The following ANO5 variants were observed in gnomAD, a reference collection of about 807,000 sequenced individuals.
ANO5 encodes anoctamin-5.
A neutral mutation model predicts 121.0 loss-of-function variants in ANO5; 109 were observed. That is an observed-to-expected ratio of 0.90 (90% CI 0.77 to 1.06). ANO5 has a LOEUF of 1.06. Ranked by LOEUF, ANO5 falls within the 50% of genes least tolerant of loss-of-function variation. The probability of loss-of-function intolerance (pLI) is 0.00; values close to 1 mark genes in which losing one functional copy is unlikely to be tolerated. For missense variants in ANO5, 1,064 were observed against 1,078.5 expected, an observed-to-expected ratio of 0.99 and a Z score of 0.19; for synonymous variants, 406 against 359.9, an observed-to-expected ratio of 1.13 and a Z score of -1.45.
chr11:22,275,297 A>G (rs1854796596), intron 20 of ANO5, among the ~76,000 whole-genome samples: 1 of 145,178 alleles, frequency 6.9e-6, no homozygotes, highest in Non-Finnish European at 1.5e-5. Flanking sequence ...TCTTTTCACC[A>G]TACAATTTAA....
chr11:22,259,969 T>A lies in ANO5; in HGVS notation c.1630+228T>A, dbSNP rs7124796. 0.011 allele frequency among the ~76,000 whole-genome samples: 1,634 copies of A among 151,242 alleles called. 44 individuals carry two copies. Among genetic ancestry groups the A allele is most frequent in the African/African-American group, 0.038 (1,559 of 41,134 alleles). On this transcript the variant is annotated intron_variant, in intron 15 of 21. Transcript: ENST00000324559. ...AACTGAAAAAAAAAAAAAAGAATTC[T>A]GACTCTATATATCTTTCTCAGTATC...
chr11:22,232,922 G>A (rs566872598), intron 7 of ANO5, among the ~76,000 whole-genome samples: 1 of 152,068 alleles, frequency 6.6e-6, no homozygotes, highest in Non-Finnish European at 1.5e-5. Context: ...GACAGTTAAA[G>A]GAATCATTTC....
intron 7 of ANO5, among the ~76,000 whole-genome samples, chr11:22,235,567 A>G (rs1300038957): frequency 6.6e-6 from 1 of 152,166 alleles, no homozygotes; most frequent in Non-Finnish European, 1.5e-5. Context: ...AATTTTGAAA[A>G]GTTGTTGGAA....
intron 9 of ANO5, among the ~76,000 whole-genome samples, chr11:22,242,317 T>C (rs1471257123): frequency 6.6e-6 from 1 of 152,138 alleles, no homozygotes; most frequent in African/African-American, 2.4e-5. Context: ...GGTAGTGTGA[T>C]GCTTCCAGTT....
rs797044667 is a variant in ANO5 at position 22,272,929 on chromosome 11, T to TA, written c.2176dup (p.Ser726LysfsTer20). ...GGAGAACTGTAGCTTCTAAAGCTCA[T>TA]AGCATAGGTGTTTGGCAAGACATTC... On this transcript the variant is annotated frameshift_variant, in exon 19 of 22. Transcript: ENST00000324559. LOFTEE classifies it high-confidence loss of function. The TA allele has an allele frequency of 5.6e-6, 9 of 1,614,008 alleles. 1 individual carries two copies. Among genetic ancestry groups the TA allele is most frequent in the Non-Finnish European group, 7.6e-6 (9 of 1,180,012 alleles).
Position 22,262,880 on chromosome 11 carries a change from T to G in ANO5, c.1801-66T>G, listed in dbSNP as rs1854236094. 49 of 1,197,328 alleles carry G rather than the reference T, an allele frequency of 4.1e-5. No individual in the cohort carries two copies. The South Asian group carries it at 5.9e-4, about 14-fold the overall frequency. The allele number at this position is 1,197,328 out of a possible 1,614,324, so 74.2% of individuals were successfully genotyped here. A position where few individuals can be genotyped will look rare whatever the true frequency, so the allele number is the denominator to read the frequency against. On this transcript the variant is annotated intron_variant, in intron 16 of 21. Transcript: ENST00000324559. The stretch of plus-strand genomic sequence containing the variant: ...CTAATTTTATAGTTTAGGGTTTCCT[T>G]TAGGTGTTGCAAAATTCCATCTTTG...
chr11:22,233,922 A>G (rs12285425), intron 7 of ANO5, among the ~76,000 whole-genome samples: 22,849 of 152,028 alleles, frequency 0.15, 5,015 homozygotes, highest in African/African-American at 0.48. Context: ...GCTTTCCCTG[A>G]ACCACTTCCA....
At chr11:22,257,023 G>A (rs1390459802) in intron 13 of ANO5, among the ~76,000 whole-genome samples, 2 of 151,932 alleles carry the variant, frequency 1.3e-5, no homozygotes, top group Non-Finnish European at 2.9e-5. Flanking sequence ...TTCTTAAAAT[G>A]TGAAATATTA....
intron 15 of ANO5, among the ~76,000 whole-genome samples, chr11:22,260,407 C>G (rs1211292498): frequency 6.6e-6 from 1 of 152,068 alleles, no homozygotes; most frequent in East Asian, 1.9e-4. Flanking sequence ...CTCCAGGGTT[C>G]AAGCTCGTTT....
At chr11:22,268,678 G>A (rs1052467682) in intron 17 of ANO5, among the ~76,000 whole-genome samples, 3 of 152,010 alleles carry the variant, frequency 2.0e-5, no homozygotes, top group Non-Finnish European at 2.9e-5. Flanking sequence ...TGCTTATTTT[G>A]TTCTTGATTC....
At chr11:22,231,159 TG>T (rs1853028247) in intron 7 of ANO5, among the ~76,000 whole-genome samples, 1 of 152,026 alleles carries the variant, frequency 6.6e-6, no homozygotes, top group African/African-American at 2.4e-5. Context: ...ATTATTTTTC[TG>T]TTTTTTTATT....
At chr11:22,231,988 A>G (rs567794123) in intron 7 of ANO5, among the ~76,000 whole-genome samples, 1 of 152,088 alleles carries the variant, frequency 6.6e-6, no homozygotes, top group East Asian at 1.9e-4. Context: ...CTAGAGAGAA[A>G]ATATTCTTAG....
At chr11:22,220,539 G>T (rs995047276) in intron 4 of ANO5, among the ~76,000 whole-genome samples, 1 of 152,008 alleles carries the variant, frequency 6.6e-6, no homozygotes, top group Non-Finnish European at 1.5e-5. Flanking sequence ...AGGGCGAGTT[G>T]CATGAAACCT....
Position 22,227,370 on chromosome 11 carries a change from T to C in ANO5, c.432T>C (p.Ala144=), listed in dbSNP as rs1298504970. 3.7e-6 allele frequency: 6 copies of C among 1,613,600 alleles called. No homozygotes were observed. The highest frequency in any genetic ancestry group is 5.1e-6 in the Non-Finnish European group (6 of 1,179,766). ...CTTGGGAGGTATTAGTTACCTATGCTGAAGTCTTGGGAATCAAAATGCCTA... is the reference window on the plus strand; with the variant it reads ...CTTGGGAGGTATTAGTTACCTATGCCGAAGTCTTGGGAATCAAAATGCCTA... The part of the protein sequence containing the change: ...HAPWEVLVTY[A]EVLGIKMPIK... Residue 144 remains alanine, a synonymous_variant, in exon 7 of 22, where the codon GCT becomes GCC. Transcript: ENST00000324559.
intron 17 of ANO5, among the ~76,000 whole-genome samples, chr11:22,269,223 AGAAAG>A (rs1333373018): frequency 5.3e-5 from 7 of 131,044 alleles, no homozygotes; most frequent in Non-Finnish European, 1.1e-4. Flanking sequence ...GAAGGAAAGA[AGAAAG>A]GAAGGAAGGA....
At chr11:22,274,824 G>A (rs1854773452) in intron 20 of ANO5, 77 bp downstream of exon 20, 2 of 1,516,712 alleles carry the variant, frequency 1.3e-6, no homozygotes, top group Non-Finnish European at 1.8e-6. Context: ...TTACCTTTCT[G>A]TCTTACAATA....
chr11:22,259,793 CTA>C, intron 15 of ANO5, 52 bp downstream of exon 15: 1 of 1,512,772 alleles, frequency 6.6e-7, no homozygotes. Flanking sequence ...CTTATTGATG[CTA>C]TATGTCTATT....
At chr11:22,197,419 C>T (rs1851846638) in intron 1 of ANO5, among the ~76,000 whole-genome samples, 1 of 151,006 alleles carries the variant, frequency 6.6e-6, no homozygotes, top group Non-Finnish European at 1.5e-5. Flanking sequence ...CATAGCTCAC[C>T]ATAGCCTCAA....
chr11:22,268,177 T>C (rs1056382081), intron 17 of ANO5, among the ~76,000 whole-genome samples: 5 of 152,224 alleles, frequency 3.3e-5, no homozygotes, highest in Non-Finnish European at 5.9e-5. Context: ...TATCAATCTA[T>C]ATAGATTTTA....
Sources: allele counts gnomAD v4.1 joint callset (sites outside exome capture counted in the v4.1 genomes callset), GRCh38; gene constraint gnomAD v4.1.1; transcripts MANE v1.5; gene names NCBI Gene and HGNC (gene_info 2026-07-23, HGNC 2026-07-21).